Variants in TAFA2 observed in about 807,000 individuals in gnomAD.
TAFA2 encodes TAFA chemokine like family member 2, also known as chemokine-like protein TAFA-2.
A neutral mutation model predicts 18.8 loss-of-function variants in TAFA2; 7 were observed. The ratio of observed to expected loss-of-function variants is 0.37; its 90% confidence interval spans 0.21 to 0.70. The LOEUF (loss-of-function observed/expected upper bound fraction) is 0.70, where lower values mean the gene tolerates loss of function less well. TAFA2 is among the 30% of genes least tolerant of loss of function. TAFA2 has a pLI of 0.53. For missense variants in TAFA2, 122 were observed against 158.1 expected (o/e 0.77, Z 1.23); for synonymous variants, 60 against 54.2 (o/e 1.11, Z -0.47).
intron 1 of TAFA2, among the ~76,000 whole-genome samples, chr12:62,012,811 A>T (rs902591964): frequency 2.0e-5 from 3 of 152,196 alleles, no homozygotes; most frequent in African/African-American, 7.2e-5. Flanking sequence ...ATAAAATTCT[A>T]TATTCCTGAT....
At chr12:62,085,485 A>C (rs1050896401) in intron 1 of TAFA2, among the ~76,000 whole-genome samples, 9 of 152,116 alleles carry the variant, frequency 5.9e-5, no homozygotes, top group African/African-American at 2.2e-4. Flanking sequence ...ATTAATTCTC[A>C]TGCTGGCACA....
At chr12:61,890,096 A>C (rs150982777) in intron 1 of TAFA2, among the ~76,000 whole-genome samples, 2 of 152,340 alleles carry the variant, frequency 1.3e-5, no homozygotes, top group African/African-American at 4.8e-5. Flanking sequence ...CTGTACCATG[A>C]GCATTACATT....
At chr12:62,147,498 G>A (rs1294536184) in intron 1 of TAFA2, among the ~76,000 whole-genome samples, 1 of 150,292 alleles carries the variant, frequency 6.7e-6, no homozygotes, top group Non-Finnish European at 1.5e-5. Flanking sequence ...TGGAGGCTGA[G>A]GCGGGCAGAT....
At chr12:62,229,043 T>C (rs1178163275) in intron 1 of TAFA2, among the ~76,000 whole-genome samples, 1 of 152,188 alleles carries the variant, frequency 6.6e-6, no homozygotes, top group Admixed American at 6.5e-5. Flanking sequence ...TAAATTCTAC[T>C]GGTTTTTATA....
At chr12:62,216,278 T>C (rs1399266852) in intron 1 of TAFA2, among the ~76,000 whole-genome samples, 1 of 152,210 alleles carries the variant, frequency 6.6e-6, no homozygotes, top group African/African-American at 2.4e-5. Flanking sequence ...AGAACCCCCA[T>C]GTTGGTACCT....
intron 4 of TAFA2, among the ~76,000 whole-genome samples, chr12:61,732,811 C>T (rs1868248969): frequency 6.6e-6 from 1 of 151,774 alleles, no homozygotes. Flanking sequence ...ATGTTTTCAG[C>T]TGACTGATGG....
chr12:62,236,767 G>A (rs2062839620), intron 1 of TAFA2, among the ~76,000 whole-genome samples: 1 of 152,188 alleles, frequency 6.6e-6, no homozygotes, highest in Admixed American at 6.5e-5. Flanking sequence ...TTGACCGAAT[G>A]TCATCCAACT....
At chr12:61,822,548 C>A (rs929572228) in intron 2 of TAFA2, among the ~76,000 whole-genome samples, 2 of 152,154 alleles carry the variant, frequency 1.3e-5, no homozygotes, top group African/African-American at 4.8e-5. Context: ...AGAAAATGTT[C>A]ATTCACTGTG....
At chr12:61,962,733 CG>C (rs1878930471) in intron 1 of TAFA2, among the ~76,000 whole-genome samples, 1 of 151,690 alleles carries the variant, frequency 6.6e-6, no homozygotes, top group Non-Finnish European at 1.5e-5. Flanking sequence ...CATATGTTCC[CG>C]GTCTCATCTG....
At chr12:62,135,069 T>C (rs1366748579) in intron 1 of TAFA2, among the ~76,000 whole-genome samples, 1 of 152,104 alleles carries the variant, frequency 6.6e-6, no homozygotes, top group Non-Finnish European at 1.5e-5. Flanking sequence ...TTCCATGTCA[T>C]AATACTAATC....
chr12:61,957,676 G>T (rs1200807069), intron 1 of TAFA2, among the ~76,000 whole-genome samples: 1 of 152,088 alleles, frequency 6.6e-6, no homozygotes, highest in East Asian at 1.9e-4. Context: ...GATGAAAGTT[G>T]GTCAAGGAGA....
At chr12:61,713,503 C>T (rs951253716) in intron 4 of TAFA2, among the ~76,000 whole-genome samples, 11 of 152,132 alleles carry the variant, frequency 7.2e-5, no homozygotes, top group Non-Finnish European at 2.9e-5. Flanking sequence ...TAACTAATGA[C>T]TCATCCTTTT....
chr12:61,749,546 T>A (rs1488828512), intron 4 of TAFA2, among the ~76,000 whole-genome samples: 2 of 152,140 alleles, frequency 1.3e-5, no homozygotes, highest in Non-Finnish European at 2.9e-5. Flanking sequence ...AAATTCTTAA[T>A]ATATTTTGAT....
intron 1 of TAFA2, among the ~76,000 whole-genome samples, chr12:62,172,102 C>T (rs560462199): frequency 2.6e-5 from 4 of 152,166 alleles, no homozygotes; most frequent in African/African-American, 9.6e-5. Context: ...AAAAGAAAAA[C>T]AGTATAGATC....
chr12:62,047,762 T>G (rs79427752), intron 1 of TAFA2, among the ~76,000 whole-genome samples: 3,641 of 152,256 alleles, frequency 0.024, 144 homozygotes, highest in African/African-American at 0.082. Flanking sequence ...AAGAATAACC[T>G]TTTGTGCCTA....
At chr12:61,951,925 A>G (rs572444007) in intron 1 of TAFA2, among the ~76,000 whole-genome samples, 1 of 152,156 alleles carries the variant, frequency 6.6e-6, no homozygotes, top group East Asian at 1.9e-4. Context: ...TAACTAATAT[A>G]CACTTGAGAA....
intron 1 of TAFA2, among the ~76,000 whole-genome samples, chr12:61,983,991 A>G (rs1345602577): frequency 2.0e-5 from 3 of 152,120 alleles, no homozygotes; most frequent in Non-Finnish European, 4.4e-5. Context: ...TCAAGTATCA[A>G]TGTAAAGAGA....
At chr12:62,113,153 C>T (rs1043871705) in intron 1 of TAFA2, among the ~76,000 whole-genome samples, 3 of 152,138 alleles carry the variant, frequency 2.0e-5, no homozygotes, top group Admixed American at 6.5e-5. Flanking sequence ...CAGTGATCTT[C>T]GGATCGGGTG....
intron 4 of TAFA2, among the ~76,000 whole-genome samples, chr12:61,721,545 C>T (rs1165337592): frequency 7.9e-5 from 12 of 152,140 alleles, no homozygotes; most frequent in Non-Finnish European, 5.9e-5. Flanking sequence ...TTTTTCAAGC[C>T]AACTTTGTTG....
Sources: gnomAD v4.1 joint callset for allele counts (sites outside exome capture counted in the v4.1 genomes callset) on GRCh38, gnomAD v4.1.1 for gene constraint, MANE v1.5 for transcripts, NCBI Gene and HGNC (gene_info 2026-07-23, HGNC 2026-07-21) for gene names.